MIB1: variants seen among roughly 807,000 people sequenced by gnomAD.
MIB1 encodes the protein E3 ubiquitin-protein ligase MIB1.
In MIB1, 278 loss-of-function variants were observed where a neutral mutation model predicts 124.5. The ratio of observed to expected loss-of-function variants is 2.23; its 90% confidence interval spans 2.02 to 2.47. The LOEUF is 2.47. Among genes scored for constraint, MIB1 ranks in the 30% most tolerant of loss-of-function variants. MIB1 has a pLI of 0.00. For missense variants in MIB1, 957 were observed against 1,254.4 expected (o/e 0.76, Z 3.58); for synonymous variants, 446 against 429.4 (o/e 1.04, Z -0.48).
intron 10 of MIB1, among the ~76,000 whole-genome samples, chr18:21,814,854 G>A (rs557521730): frequency 2.1e-3 from 311 of 150,476 alleles, no homozygotes; most frequent in African/African-American, 7.3e-3. Context: ...GATTACAGGT[G>A]TGAGCCACTG....
At chr18:21,760,923 A>C (rs1454027250) in intron 1 of MIB1, among the ~76,000 whole-genome samples, 2 of 152,222 alleles carry the variant, frequency 1.3e-5, no homozygotes, top group Admixed American at 1.3e-4. Flanking sequence ...TGATGGAACT[A>C]AATCAGATTT....
chr18:21,714,839 C>T (rs1302896201), intron 1 of MIB1, among the ~76,000 whole-genome samples: 1 of 152,158 alleles, frequency 6.6e-6, no homozygotes, highest in Admixed American at 6.5e-5. Context: ...GGAAAAATAG[C>T]TCTGTGTCCT....
At chr18:21,709,659 A>G (rs900812456) in intron 1 of MIB1, among the ~76,000 whole-genome samples, 1 of 152,164 alleles carries the variant, frequency 6.6e-6, no homozygotes, top group Non-Finnish European at 1.5e-5. Context: ...GTGGGGGGAC[A>G]TGCATGCTGC....
intron 17 of MIB1, among the ~76,000 whole-genome samples, chr18:21,850,188 G>A (rs1368587530): frequency 6.6e-6 from 1 of 151,876 alleles, no homozygotes; most frequent in Non-Finnish European, 1.5e-5. Flanking sequence ...ACTAATTTTG[G>A]TTTACTGAAA....
At chr18:21,707,283 C>T (rs6508561) in intron 1 of MIB1, among the ~76,000 whole-genome samples, 1 of 152,052 alleles carries the variant, frequency 6.6e-6, no homozygotes, top group Admixed American at 6.6e-5. Flanking sequence ...TCTAGCTCAG[C>T]GATTGTAAAT....
intron 12 of MIB1, among the ~76,000 whole-genome samples, chr18:21,836,361 C>T (rs2042032638): frequency 6.6e-6 from 1 of 151,310 alleles, no homozygotes; most frequent in Non-Finnish European, 1.5e-5. Flanking sequence ...GCAAGCTCCA[C>T]CTCCTGCGTT....
Position 21,869,682 on chromosome 18 carries a change from A to G in MIB1, c.*5016A>G, listed in dbSNP as rs924070720. On this transcript the variant is annotated 3_prime_UTR_variant, in exon 21 of 21. Transcript: ENST00000261537. ...GTAATTCTAATTAAGTTATTATGCA[A>G]AGTCATCTATAAGTAGCATCTGGGA... is the stretch of plus-strand genomic sequence containing the variant. 2 of 152,462 alleles carry G rather than the reference A, an allele frequency of 1.3e-5. No homozygotes were observed. Among genetic ancestry groups the G allele is most frequent in the African/African-American group, 2.4e-5 (1 of 41,426 alleles). 9.4% of individuals were successfully genotyped at this position (152,462 alleles called of 1,614,324 possible).
At chr18:21,713,605 T>C (rs1425780115) in intron 1 of MIB1, among the ~76,000 whole-genome samples, 2 of 104,494 alleles carry the variant, frequency 1.9e-5, no homozygotes, top group African/African-American at 8.6e-5. Flanking sequence ...AGAGCAAGAT[T>C]CTGTCTCAAA....
At chr18:21,793,862 T>C (rs147377529) in intron 7 of MIB1, 1 of 143,316 alleles carries the variant, frequency 7.0e-6, no homozygotes, top group Non-Finnish European at 1.5e-5. Flanking sequence ...TGTACTTTTA[T>C]AATTTAAAAT....
intron 12 of MIB1, among the ~76,000 whole-genome samples, chr18:21,821,052 T>A (rs1185223089): frequency 6.6e-6 from 1 of 152,170 alleles, no homozygotes; most frequent in Non-Finnish European, 1.5e-5. Flanking sequence ...TTCCAACTAG[T>A]TTTAAAATTT....
intron 20 of MIB1, 36 bp downstream of exon 20, chr18:21,858,682 A>C: frequency 9.8e-7 from 1 of 1,017,662 alleles, no homozygotes; most frequent in Non-Finnish European, 1.6e-6. Context: ...GATGCTGTGA[A>C]TGGCACTGAA....
intron 4 of MIB1, among the ~76,000 whole-genome samples, chr18:21,776,023 A>G (rs554782958): frequency 4.5e-4 from 68 of 152,052 alleles, no homozygotes; most frequent in Admixed American, 1.2e-3. Context: ...TCCCAGCACC[A>G]TGGGAGGCTA....
Position 21,779,552 on chromosome 18 carries a change from G to T in MIB1, c.775G>T (p.Glu259Ter). Residue 259 changes from glutamate (E) to a stop codon, truncating the protein, a stop_gained, in exon 6 of 21, where the codon GAA (glutamate) becomes TAA (stop). Coordinates refer to ENST00000261537, the MANE Select transcript of MIB1 (RefSeq NM_020774.4). LOFTEE classifies it high-confidence loss of function. ...GDLVNIDLDL[E>*]IVQSLQHGHG... is the part of the protein sequence containing the mutation. ...CCTGGTAAATATAGATCTCGACCTCGAAATTGTACAGTCTTTGCAGCATGG... is the reference window on the plus strand; with the variant it reads ...CCTGGTAAATATAGATCTCGACCTCTAAATTGTACAGTCTTTGCAGCATGG... 1 of 1,614,036 alleles carries T rather than the reference G, an allele frequency of 6.2e-7. No homozygotes were observed. Among genetic ancestry groups the T allele is most frequent in the Non-Finnish European group, 8.5e-7 (1 of 1,179,966 alleles).
chr18:21,834,906 A>G (rs1174007117), intron 12 of MIB1, among the ~76,000 whole-genome samples: 2 of 152,202 alleles, frequency 1.3e-5, no homozygotes, highest in Non-Finnish European at 1.5e-5. Context: ...AATGTACCAT[A>G]CTATGTAAAA....
intron 12 of MIB1, chr18:21,827,361 G>T (rs1338208699): frequency 2.6e-5 from 4 of 151,964 alleles, no homozygotes; most frequent in South Asian, 2.1e-4. Flanking sequence ...ATTTTCTAAG[G>T]ATTATTTATA....
At chr18:21,817,529 A>C (rs753071570) in intron 11 of MIB1, 3 of 206,862 alleles carry the variant, frequency 1.5e-5, no homozygotes, top group Non-Finnish European at 3.0e-5. Flanking sequence ...CAACTATCTA[A>C]CTCTCATTGC....
chr18:21,712,139 G>T (rs1461901353), intron 1 of MIB1: 2 of 159,442 alleles, frequency 1.3e-5, no homozygotes, highest in African/African-American at 2.4e-5. Flanking sequence ...TAAAAATCCT[G>T]ATCAAGTCTG....
At chr18:21,732,255 G>A (rs2040774417) in intron 1 of MIB1, among the ~76,000 whole-genome samples, 1 of 151,640 alleles carries the variant, frequency 6.6e-6, no homozygotes, top group South Asian at 2.1e-4. Flanking sequence ...TTGAACCCAG[G>A]AGGCAGAGGT....
Position 21,773,705 on chromosome 18 carries a change from T to C in MIB1, c.613T>C (p.Tyr205His). 6.2e-7 allele frequency: 1 copy of C among 1,603,658 alleles called. No homozygotes were observed. Among genetic ancestry groups the C allele is most frequent in the Non-Finnish European group, 8.5e-7 (1 of 1,176,138 alleles). ...VLWDNGAKNLYRVGFEGMSDL... is the reference protein window; with the variant it reads ...VLWDNGAKNLHRVGFEGMSDL... ...CTGGGATAATGGTGCTAAGAACCTTTACAGAGTTGGCTTTGAGGGCATGGT... is the reference window on the plus strand; with the variant it reads ...CTGGGATAATGGTGCTAAGAACCTTCACAGAGTTGGCTTTGAGGGCATGGT... The change falls in exon 4 of 21, where the codon TAC becomes CAC. Residue 205 changes from tyrosine to histidine, a missense_variant. Coordinates refer to ENST00000261537, the MANE Select transcript of MIB1 (RefSeq NM_020774.4).
Sources: allele counts gnomAD v4.1 joint callset (sites outside exome capture counted in the v4.1 genomes callset), GRCh38; gene constraint gnomAD v4.1.1; transcripts MANE v1.5; gene names NCBI Gene and HGNC (gene_info 2026-07-23, HGNC 2026-07-21).